IL1RAP: variants seen among roughly 807,000 people sequenced by gnomAD.
IL1RAP encodes interleukin-1 receptor accessory protein.
In IL1RAP, 35 loss-of-function variants were observed where a neutral mutation model predicts 60.7. The observed-to-expected ratio is 0.58, with a 90% confidence interval of 0.44 to 0.76. The LOEUF is 0.76. IL1RAP is among the 30% of genes least tolerant of loss of function. The pLI is 0.00. For synonymous variants in IL1RAP, 268 were observed against 250.9 expected, an observed-to-expected ratio of 1.07 and a Z score of -0.64; for missense variants, 572 against 693.9, an observed-to-expected ratio of 0.82 and a Z score of 1.97.
chr3:190,597,324 C>T (rs1729461754), intron 3 of IL1RAP, among the ~76,000 whole-genome samples: 2 of 152,072 alleles, frequency 1.3e-5, no homozygotes, highest in African/African-American at 2.4e-5. Context: ...TTCTACCTTC[C>T]TTTTTTTGTT....
intron 8 of IL1RAP, 141 bp downstream of exon 8, chr3:190,627,590 G>C: frequency 8.9e-7 from 1 of 1,120,886 alleles, no homozygotes; most frequent in Non-Finnish European, 1.2e-6. Context: ...CAAATCTTTG[G>C]TGATTGCATC....
At chr3:190,557,802 G>T (rs368922877) in intron 2 of IL1RAP, among the ~76,000 whole-genome samples, 1 of 152,094 alleles carries the variant, frequency 6.6e-6, no homozygotes, top group Non-Finnish European at 1.5e-5. Context: ...TCTAATTAAT[G>T]CACTGTAACA....
intron 3 of IL1RAP, among the ~76,000 whole-genome samples, chr3:190,578,571 G>A (rs1727702063): frequency 6.6e-6 from 1 of 152,138 alleles, no homozygotes; most frequent in South Asian, 2.1e-4. Flanking sequence ...AAGAAAATAA[G>A]CATTAGCTAC....
intron 2 of IL1RAP, among the ~76,000 whole-genome samples, chr3:190,558,513 T>C (rs1316274580): frequency 1.3e-5 from 2 of 152,228 alleles, no homozygotes; most frequent in Non-Finnish European, 2.9e-5. Flanking sequence ...CTTGTGGTTT[T>C]AATTTGCATT....
In IL1RAP at chr3:190,552,226, C is replaced by A. The variant is rs115538306; in HGVS notation, c.-88-3904C>A. Among the ~76,000 whole-genome samples the A allele has an allele frequency of 5.6e-3, 860 of 152,246 alleles. 7 individuals carry two copies. The highest frequency in any genetic ancestry group is 0.019 in the African/African-American group (808 of 41,558). ...TTTTACAAAAATGATGACTCAGGAA[C>A]TTAACAAGCAAAAATCCTTTTATAG... On this transcript the variant is annotated intron_variant, in intron 1 of 11. Coordinates refer to ENST00000447382, the MANE Select transcript of IL1RAP (RefSeq NM_002182.4).
Position 190,648,500 on chromosome 3 carries a change from A to T in IL1RAP, c.1508A>T (p.Tyr503Phe), listed in dbSNP as rs758523025. ...AACATCAACGTCATTTTAGTACAGT[A>T]CAAAGCTGTGAAGGAAACGAAGGTG... Reference protein sequence around the residue: ...RGNINVILVQYKAVKETKVKE... With the variant: ...RGNINVILVQFKAVKETKVKE... Residue 503 changes from tyrosine (Y) to phenylalanine (F), a missense_variant, in exon 12 of 12, where the codon TAC becomes TTC. Coordinates refer to ENST00000447382, the MANE Select transcript of IL1RAP (RefSeq NM_002182.4). The T allele has an allele frequency of 5.6e-6, 9 of 1,613,994 alleles. No homozygotes were observed. Among genetic ancestry groups the T allele is most frequent in the Non-Finnish European group, 3.4e-6 (4 of 1,180,026 alleles).
At position 190,624,039 on chromosome 3, in the gene IL1RAP, A is replaced by G. The variant is rs974619675; in HGVS notation, c.775+624A>G. On this transcript the variant is annotated intron_variant, in intron 7 of 11. Coordinates refer to ENST00000447382, the MANE Select transcript of IL1RAP (RefSeq NM_002182.4). ...ATTTTAACATTTTCTATGTTGTATCACTTACAATACATCCAGTCCAAACCC... is the reference window on the plus strand; with the variant it reads ...ATTTTAACATTTTCTATGTTGTATCGCTTACAATACATCCAGTCCAAACCC... Among the ~76,000 whole-genome samples the G allele has an allele frequency of 8.2e-4, 125 of 152,370 alleles. 1 individual carries two copies. The highest frequency in any genetic ancestry group is 2.9e-3 in the African/African-American group (120 of 41,584).
At chr3:190,523,800 G>C (rs1251214097) in intron 1 of IL1RAP, among the ~76,000 whole-genome samples, 1 of 152,136 alleles carries the variant, frequency 6.6e-6, no homozygotes, top group Non-Finnish European at 1.5e-5. Flanking sequence ...TCATGTCTTT[G>C]CTATTGTGAA....
chr3:190,642,775 C>A (rs868526240), intron 9 of IL1RAP, among the ~76,000 whole-genome samples: 4 of 152,142 alleles, frequency 2.6e-5, no homozygotes, highest in African/African-American at 4.8e-5. Context: ...AGGGCAGAGA[C>A]CCTTTCCGTC....
intron 10 of IL1RAP, 115 bp from the exon 11 acceptor site, chr3:190,645,584 A>G (rs552665611): frequency 2.5e-6 from 2 of 795,746 alleles, no homozygotes; most frequent in Admixed American, 2.7e-5. Flanking sequence ...AGAAAATCGC[A>G]CTGGAATCTG....
rs73889605 is a variant in IL1RAP at position 190,608,434 on chromosome 3, A to G, written c.351-561A>G. On this transcript the variant is annotated intron_variant, in intron 4 of 11. Transcript: ENST00000447382. ...AACGGTACACCTATGTAGGGCACTT[A>G]TCATGGATAGAGCTTGTAGGACTGG... Among the ~76,000 whole-genome samples the G allele has an allele frequency of 8.6e-3, 1,314 of 152,246 alleles. 22 individuals are homozygous for G. The highest frequency in any genetic ancestry group is 0.03 in the African/African-American group (1,261 of 41,558).
chr3:190,522,357 C>T (rs1472073009), intron 1 of IL1RAP, among the ~76,000 whole-genome samples: 1 of 150,300 alleles, frequency 6.7e-6, no homozygotes, highest in African/African-American at 2.5e-5. Flanking sequence ...TCCCTCCCTT[C>T]GTTCCTCTTC....
At chr3:190,522,502 T>G (rs1722172769) in intron 1 of IL1RAP, among the ~76,000 whole-genome samples, 1 of 152,012 alleles carries the variant, frequency 6.6e-6, no homozygotes, top group Admixed American at 6.6e-5. Flanking sequence ...AAAAATATAT[T>G]AAGCCTCTAG....
chr3:190,655,313 G>A (rs1577840169), downstream of IL1RAP, among the ~76,000 whole-genome samples: 2 of 151,998 alleles, frequency 1.3e-5, no homozygotes, highest in African/African-American at 2.4e-5. Context: ...GAGACATGAG[G>A]CCATGTCATT....
intron 3 of IL1RAP, among the ~76,000 whole-genome samples, chr3:190,597,302 A>G (rs988555457): frequency 6.6e-6 from 1 of 152,268 alleles, no homozygotes; most frequent in African/African-American, 2.4e-5. Context: ...AACTTATGTT[A>G]TGAAAGGAAA....
intron 1 of IL1RAP, among the ~76,000 whole-genome samples, chr3:190,519,636 T>C (rs575859251): frequency 6.6e-6 from 1 of 152,270 alleles, no homozygotes; most frequent in South Asian, 2.1e-4. Flanking sequence ...AGCTTCTGTC[T>C]TCTCCTCTTC....
intron 10 of IL1RAP, 108 bp downstream of exon 10, chr3:190,644,505 TG>T: frequency 1.2e-6 from 1 of 847,084 alleles, no homozygotes; most frequent in Non-Finnish European, 1.9e-6. Flanking sequence ...CTAGATTAAC[TG>T]GAAGATTTAA....
intron 4 of IL1RAP, among the ~76,000 whole-genome samples, chr3:190,606,445 T>C (rs907497194): frequency 2.6e-5 from 4 of 152,250 alleles, no homozygotes; most frequent in African/African-American, 9.6e-5. Context: ...TGTTCATCTG[T>C]TAACATTTCC....
At chr3:190,655,862 T>C (rs1304470473), downstream of IL1RAP, 25 of 1,486,118 alleles carry the variant, frequency 1.7e-5, no homozygotes, top group Non-Finnish European at 2.3e-5. Flanking sequence ...TCACTATACA[T>C]TGTCCTATAT....
Sources: gnomAD v4.1 joint callset for allele counts (sites outside exome capture counted in the v4.1 genomes callset) on GRCh38, gnomAD v4.1.1 for gene constraint, MANE v1.5 for transcripts, NCBI Gene and HGNC (gene_info 2026-07-23, HGNC 2026-07-21) for gene names.